The following ANKH variants were observed in gnomAD, a reference collection of about 807,000 sequenced individuals.
ANKH encodes mineralization regulator ANKH.
ANKH carries 15 observed loss-of-function variants against 49.0 expected under a neutral mutation model. The observed-to-expected ratio is 0.31, with a 90% confidence interval of 0.20 to 0.47. The LOEUF is 0.47. ANKH is among the 20% of genes least tolerant of loss of function. The probability of loss-of-function intolerance (pLI) is 1.00; values close to 1 mark genes in which losing one functional copy is unlikely to be tolerated. For missense variants in ANKH, 429 were observed against 652.0 expected (o/e 0.66, Z 3.72); for synonymous variants, 273 against 260.0 (o/e 1.05, Z -0.48).
rs1580015742 is a variant in ANKH at position 14,735,830 on chromosome 5, G to A, written c.1011+5997C>T. Among the ~76,000 whole-genome samples the A allele has an allele frequency of 2.0e-5, 3 of 151,940 alleles. No homozygotes were observed. In the South Asian group the frequency reaches 6.2e-4, roughly 32 times the overall value. Reference sequence around the variant, plus strand: ...CATCTTAACCCTATTTCCAAGTAAGGTCACATTCTGAGGTACTGGGGGTTA... The same window carrying A: ...CATCTTAACCCTATTTCCAAGTAAGATCACATTCTGAGGTACTGGGGGTTA... On this transcript the variant is annotated intron_variant, in intron 8 of 11. Transcript: ENST00000284268.
chr5:14,818,793 A>C (rs1415178950), intron 1 of ANKH, among the ~76,000 whole-genome samples: 2 of 152,144 alleles, frequency 1.3e-5, no homozygotes, highest in Admixed American at 6.5e-5. Flanking sequence ...TTTACAAAGA[A>C]ATAAAAAGCC....
chr5:14,764,192 T>C (rs1739186326), intron 2 of ANKH, among the ~76,000 whole-genome samples: 1 of 152,216 alleles, frequency 6.6e-6, no homozygotes, highest in African/African-American at 2.4e-5. Flanking sequence ...GATTTGGCAG[T>C]TCCTCACACC....
chr5:14,758,382 G>GC (rs1738969106), intron 3 of ANKH, 98 bp downstream of exon 3: 1 of 917,408 alleles, frequency 1.1e-6, no homozygotes, highest in Non-Finnish European at 1.8e-6. Flanking sequence ...CCATTAAGCT[G>GC]TACACACAAA....
chr5:14,851,244 C>G (rs752124031), intron 1 of ANKH, among the ~76,000 whole-genome samples: 10 of 152,178 alleles, frequency 6.6e-5, no homozygotes, highest in Non-Finnish European at 2.9e-5. Context: ...AGGCTATCTG[C>G]GGCTCTGCCT....
At position 14,827,060 on chromosome 5, in the gene ANKH, C is replaced by T. The variant is rs79588061; in HGVS notation, c.96+44292G>A. ...TGAAGAACTCAGAGGGCCTAGAATA[C>T]AGCAGAACCACTGTCTCCAAGGAAC... is the stretch of plus-strand genomic sequence containing the variant. On this transcript the variant is annotated intron_variant, in intron 1 of 11. Coordinates refer to ENST00000284268, the MANE Select transcript of ANKH (RefSeq NM_054027.6). Among the ~76,000 whole-genome samples the T allele has an allele frequency of 6.3e-3, 963 of 152,318 alleles. 16 individuals are homozygous for T. The highest frequency in any genetic ancestry group is 0.022 in the African/African-American group (917 of 41,570).
At chr5:14,798,215 G>A in intron 1 of ANKH, 1 of 1,595,338 alleles carries the variant, frequency 6.3e-7, no homozygotes, top group South Asian at 1.1e-5. Context: ...GTCGATGAAG[G>A]CTGAAATCTT....
chr5:14,856,027 A>C (rs1232781028), intron 1 of ANKH, among the ~76,000 whole-genome samples: 6 of 151,888 alleles, frequency 4.0e-5, no homozygotes. Flanking sequence ...AAGAAAGCAT[A>C]AAAACAGGCA....
At chr5:14,857,329 A>C (rs1162493234) in intron 1 of ANKH, among the ~76,000 whole-genome samples, 1 of 152,200 alleles carries the variant, frequency 6.6e-6, no homozygotes, top group Non-Finnish European at 1.5e-5. Context: ...ATTTTAAAAA[A>C]TGAAAGTCCA....
At chr5:14,799,411 C>T (rs1433729917) in intron 1 of ANKH, among the ~76,000 whole-genome samples, 1 of 152,224 alleles carries the variant, frequency 6.6e-6, no homozygotes, top group East Asian at 1.9e-4. Flanking sequence ...GTAGACAAAA[C>T]AGTCTTTTAT....
At chr5:14,748,196 T>C (rs1212226334) in intron 6 of ANKH, among the ~76,000 whole-genome samples, 2 of 152,224 alleles carry the variant, frequency 1.3e-5, no homozygotes, top group Non-Finnish European at 2.9e-5. Context: ...AACCTGTGTG[T>C]TACAGTAGCC....
chr5:14,745,012 G>C lies in ANKH; in HGVS notation c.915+858C>G, dbSNP rs1243246568. On this transcript the variant is annotated intron_variant, in intron 7 of 11. Coordinates refer to ENST00000284268, the MANE Select transcript of ANKH (RefSeq NM_054027.6). The surrounding 1 kb of genome is among the most constrained non-coding windows in gnomAD (Gnocchi z 4.7). The stretch of plus-strand genomic sequence containing the variant: ...AGAGCTGAGCGCTGTGGACACCCCT[G>C]GCCAGGAGGCTTCCTCTCCTCACTT... 6.6e-6 allele frequency among the ~76,000 whole-genome samples: 1 copy of C among 152,220 alleles called. No individual in the cohort carries two copies. Among genetic ancestry groups the C allele is most frequent in the Non-Finnish European group, 1.5e-5 (1 of 68,040 alleles).
At chr5:14,754,355 T>TA (rs1561039611) in intron 4 of ANKH, among the ~76,000 whole-genome samples, 1 of 151,740 alleles carries the variant, frequency 6.6e-6, no homozygotes, top group South Asian at 2.1e-4. Context: ...TTTTTGCCTT[T>TA]AAAAAAACAC....
intron 8 of ANKH, among the ~76,000 whole-genome samples, chr5:14,733,796 G>C (rs1449669472): frequency 6.6e-6 from 1 of 152,226 alleles, no homozygotes; most frequent in Non-Finnish European, 1.5e-5. Context: ...CACAGCCTCC[G>C]AGCTGGTGCT....
chr5:14,823,454 T>C (rs535492103), intron 1 of ANKH, among the ~76,000 whole-genome samples: 1 of 152,304 alleles, frequency 6.6e-6, no homozygotes, highest in South Asian at 2.1e-4. Flanking sequence ...TTTACAACAT[T>C]GTATAGCAAG....
intron 1 of ANKH, among the ~76,000 whole-genome samples, chr5:14,846,993 G>GT (rs1418133190): frequency 7.8e-6 from 1 of 128,832 alleles, no homozygotes; most frequent in Non-Finnish European, 1.6e-5. Context: ...GGGAAACAGT[G>GT]TAAGACTGCC....
chr5:14,751,369 C>A, intron 4 of ANKH, 130 bp from the exon 5 acceptor site: 3 of 916,440 alleles, frequency 3.3e-6, no homozygotes, highest in Non-Finnish European at 3.4e-6. Context: ...CAAACAGAAC[C>A]AAAAATTGGA....
In ANKH at chr5:14,707,484, A is replaced by C. The variant is rs1021861718; in HGVS notation, c.*3713T>G. 6.6e-6 allele frequency: 1 copy of C among 152,178 alleles called. No individual in the cohort carries two copies. The highest frequency in any genetic ancestry group is 1.5e-5 in the Non-Finnish European group (1 of 68,038). 9.4% of individuals were successfully genotyped at this position (152,178 alleles called of 1,614,324 possible). A position where few individuals can be genotyped will look rare whatever the true frequency, so the allele number is the denominator to read the frequency against. On this transcript the variant is annotated 3_prime_UTR_variant, in exon 12 of 12. Coordinates refer to ENST00000284268, the MANE Select transcript of ANKH (RefSeq NM_054027.6). ...TGAAAATATAAGTGAATAAATTTTG[A>C]GAGTTACGATATGTAATGATTATTC...
intron 1 of ANKH, among the ~76,000 whole-genome samples, chr5:14,782,195 G>C (rs1209572180): frequency 6.6e-6 from 1 of 152,082 alleles, no homozygotes; most frequent in Admixed American, 6.6e-5. Context: ...TTTGCATTTG[G>C]ACCTTAAGAA....
chr5:14,771,953 A>C (rs2441202), intron 1 of ANKH, among the ~76,000 whole-genome samples: 69,411 of 144,442 alleles, frequency 0.48, 17,808 homozygotes, highest in East Asian at 0.73. Flanking sequence ...AAAAACCAAA[A>C]CAAAACAAAA....
Sources: allele counts gnomAD v4.1 joint callset (sites outside exome capture counted in the v4.1 genomes callset), GRCh38; gene constraint gnomAD v4.1.1; non-coding constraint Gnocchi (gnomAD v3.1); transcripts MANE v1.5; gene names NCBI Gene and HGNC (gene_info 2026-07-23, HGNC 2026-07-21).